The following MACROD2 variants were observed in gnomAD, a reference collection of about 807,000 sequenced individuals.
MACROD2 encodes the protein mono-ADP ribosylhydrolase 2, also known as ADP-ribose glycohydrolase MACROD2.
A neutral mutation model predicts 70.4 loss-of-function variants in MACROD2; 36 were observed. The ratio of observed to expected loss-of-function variants is 0.51; its 90% CI spans 0.39 to 0.68. The LOEUF (loss-of-function observed/expected upper bound fraction) is 0.68, where lower values mean the gene tolerates loss of function less well. MACROD2 is among the 30% of genes least tolerant of loss of function. The probability of loss-of-function intolerance (pLI) is 0.00; values close to 1 mark genes in which losing one functional copy is unlikely to be tolerated. For synonymous variants in MACROD2, 172 were observed against 178.8 expected (o/e 0.96, Z 0.30); for missense variants, 496 against 538.4 (o/e 0.92, Z 0.78).
intron 6 of MACROD2, among the ~76,000 whole-genome samples, chr20:15,286,612 G>A (rs987334946): frequency 6.6e-6 from 1 of 151,846 alleles, no homozygotes; most frequent in African/African-American, 2.4e-5. Flanking sequence ...ATAACACAGG[G>A]TGAGCAGGCT....
intron 6 of MACROD2, among the ~76,000 whole-genome samples, chr20:15,234,778 G>T (rs979508528): frequency 4.6e-5 from 7 of 151,856 alleles, no homozygotes; most frequent in Non-Finnish European, 8.8e-5. Context: ...AGACAAGAAA[G>T]AAAAATTTCT....
intron 3 of MACROD2, among the ~76,000 whole-genome samples, chr20:14,485,831 TATATAA>T (rs1463600992): frequency 6.6e-6 from 1 of 151,540 alleles, no homozygotes; most frequent in Admixed American, 6.6e-5. Context: ...TTTTATATTT[TATATAA>T]ATATAATTTA....
intron 3 of MACROD2, among the ~76,000 whole-genome samples, chr20:14,121,737 T>G (rs1420204741): frequency 6.6e-6 from 1 of 152,192 alleles, no homozygotes; most frequent in African/African-American, 2.4e-5. Context: ...ATGTGTTTTT[T>G]TCTAGTAACT....
chr20:15,708,027 G>A (rs190542796), intron 8 of MACROD2, among the ~76,000 whole-genome samples: 206 of 151,996 alleles, frequency 1.4e-3, no homozygotes, highest in African/African-American at 4.7e-3. Flanking sequence ...AGCAGAAGAA[G>A]CAGAAAATGC....
chr20:15,326,439 A>T (rs995484634), intron 6 of MACROD2, among the ~76,000 whole-genome samples: 4 of 152,130 alleles, frequency 2.6e-5, no homozygotes, highest in Non-Finnish European at 5.9e-5. Context: ...ATTTCACATA[A>T]TTTTAAATTT....
chr20:14,984,636 C>T (rs1368222494), intron 5 of MACROD2, among the ~76,000 whole-genome samples: 1 of 152,068 alleles, frequency 6.6e-6, no homozygotes, highest in Non-Finnish European at 1.5e-5. Flanking sequence ...AAGTAATTAG[C>T]ACAGGTCTGA....
chr20:15,021,634 AG>A (rs2075186438), intron 5 of MACROD2: 1 of 151,860 alleles, frequency 6.6e-6, no homozygotes. Context: ...TTCCAATTTT[AG>A]TATATGTGTT....
chr20:14,767,815 G>A (rs111545504), intron 5 of MACROD2, among the ~76,000 whole-genome samples: 7 of 151,368 alleles, frequency 4.6e-5, no homozygotes, highest in East Asian at 3.9e-4. Context: ...GACAGGCCCC[G>A]GTGTGTGATT....
At chr20:15,113,687 C>T (rs1245946753) in intron 5 of MACROD2, among the ~76,000 whole-genome samples, 1 of 151,800 alleles carries the variant, frequency 6.6e-6, no homozygotes, top group Non-Finnish European at 1.5e-5. Flanking sequence ...TGGGTTTTGC[C>T]TGTTTCTTAC....
chr20:14,883,298 A>C (rs909572349), intron 5 of MACROD2, among the ~76,000 whole-genome samples: 6 of 152,188 alleles, frequency 3.9e-5, no homozygotes, highest in Non-Finnish European at 7.3e-5. Flanking sequence ...TCCAGGGCAC[A>C]TGCATAATTT....
At chr20:15,153,411 T>C (rs1161872287) in intron 5 of MACROD2, among the ~76,000 whole-genome samples, 1 of 152,032 alleles carries the variant, frequency 6.6e-6, no homozygotes, top group African/African-American at 2.4e-5. Flanking sequence ...CACAAGATAA[T>C]GTCATCAGCT....
intron 6 of MACROD2, among the ~76,000 whole-genome samples, chr20:15,285,301 GAT>G (rs754916321): frequency 5.3e-5 from 8 of 152,278 alleles, no homozygotes; most frequent in Non-Finnish European, 1.2e-4. Context: ...TGGTAGAAGA[GAT>G]AACCTCAAAG....
chr20:15,499,163 G>T (rs1352457645), intron 7 of MACROD2, among the ~76,000 whole-genome samples: 1 of 152,214 alleles, frequency 6.6e-6, no homozygotes, highest in Non-Finnish European at 1.5e-5. Context: ...TTGGGACAAA[G>T]CATAAGTCTG....
rs549950392 is a variant in MACROD2, at chr20:15,544,972, A to T, written c.645+45125A>T. 2.0e-5 allele frequency among the ~76,000 whole-genome samples: 3 copies of T among 152,272 alleles called. No individual in the cohort carries two copies. In the East Asian group the frequency reaches 5.8e-4, roughly 29 times the overall value. ...GGGGCCCTGAGTACTTTGGGAGCTG[A>T]TAGAGTTTGGCTGTCATTTGAAAAT... On this transcript the variant is annotated intron_variant, in intron 8 of 17. Coordinates refer to ENST00000684519, the MANE Select transcript of MACROD2 (RefSeq NM_001351661.2).
intron 8 of MACROD2, among the ~76,000 whole-genome samples, chr20:15,838,789 T>G (rs1176258854): frequency 6.6e-6 from 1 of 152,146 alleles, no homozygotes; most frequent in African/African-American, 2.4e-5. Context: ...ACCTTTTAAA[T>G]AAATACATCA....
At chr20:14,451,573 G>A (rs1336990639) in intron 3 of MACROD2, among the ~76,000 whole-genome samples, 1 of 152,180 alleles carries the variant, frequency 6.6e-6, no homozygotes, top group Non-Finnish European at 1.5e-5. Context: ...AATGGACAGA[G>A]AGGCTGGAAT....
chr20:15,390,451 A>G (rs2045777789), intron 6 of MACROD2, among the ~76,000 whole-genome samples: 1 of 152,212 alleles, frequency 6.6e-6, no homozygotes, highest in Non-Finnish European at 1.5e-5. Flanking sequence ...TCTCACCACT[A>G]GAATCTAAAT....
chr20:14,710,464 C>G (rs2071324969), intron 5 of MACROD2, among the ~76,000 whole-genome samples: 1 of 152,208 alleles, frequency 6.6e-6, no homozygotes, highest in Non-Finnish European at 1.5e-5. Context: ...ACAGTTTCAT[C>G]TTGCATACTG....
At chr20:15,057,291 G>T (rs571236008) in intron 5 of MACROD2, among the ~76,000 whole-genome samples, 101 of 152,104 alleles carry the variant, frequency 6.6e-4, no homozygotes, top group Non-Finnish European at 1.2e-3. Flanking sequence ...CCTTCCTTAA[G>T]TGTTTTCTGT....
Sources: gnomAD v4.1 joint callset for allele counts (sites outside exome capture counted in the v4.1 genomes callset) on GRCh38, gnomAD v4.1.1 for gene constraint, MANE v1.5 for transcripts, NCBI Gene and HGNC (gene_info 2026-07-23, HGNC 2026-07-21) for gene names.